Variants in ELMO2 observed in about 807,000 individuals in gnomAD.
ELMO2 encodes the protein engulfment and cell motility 2.
In ELMO2, 37 loss-of-function variants were observed where a neutral mutation model predicts 96.2. The observed-to-expected ratio is 0.38, with a 90% CI of 0.30 to 0.51. ELMO2 has a LOEUF of 0.51. Among genes scored for constraint, ELMO2 ranks in the 20% least tolerant of loss-of-function variants. The pLI is 0.88. For synonymous variants in ELMO2, 315 were observed against 329.4 expected (o/e 0.96, Z 0.47); for missense variants, 561 against 912.6 (o/e 0.61, Z 4.96).
chr20:46,374,728 A>G lies in ELMO2; in HGVS notation c.1066-88T>C. The G allele has an allele frequency of 4.4e-6, 5 of 1,129,122 alleles. No homozygotes were observed. In the East Asian group the frequency reaches 7.4e-5, roughly 17 times the overall value. 69.9% of individuals were successfully genotyped at this position (1,129,122 alleles called of 1,614,324 possible). A position where few individuals can be genotyped will look rare whatever the true frequency, so the allele number is the denominator to read the frequency against. On this transcript the variant is annotated intron_variant, in intron 13 of 21. Coordinates refer to ENST00000290246, the MANE Select transcript of ELMO2 (RefSeq NM_133171.5). ...GGATGCCCTCTCGCCTCTCCTCTTG[A>G]TGCTGCTACCACTCAGCACCCACCT...
intron 4 of ELMO2, 66 bp from the exon 5 acceptor site, chr20:46,393,667 A>G: frequency 1.9e-6 from 3 of 1,554,744 alleles, no homozygotes; most frequent in Non-Finnish European, 2.7e-6. Context: ...CTCATAAGTA[A>G]TTTTCAAAAG....
At chr20:46,398,659 T>C (rs1169413245) in intron 2 of ELMO2, 38 bp downstream of exon 2, 3 of 152,242 alleles carry the variant, frequency 2.0e-5, no homozygotes, top group African/African-American at 4.8e-5. Context: ...ATCATTATTA[T>C]AGTTGATGCT....
intron 2 of ELMO2, among the ~76,000 whole-genome samples, chr20:46,395,683 C>A (rs1179036017): frequency 6.6e-6 from 1 of 152,214 alleles, no homozygotes; most frequent in East Asian, 1.9e-4. Flanking sequence ...GTCCTGTCCC[C>A]CACAAGCCCA....
At chr20:46,386,406 A>G (rs2060045030) in intron 8 of ELMO2, 131 bp from the exon 9 acceptor site, 1 of 1,287,364 alleles carries the variant, frequency 7.8e-7, no homozygotes, top group South Asian at 1.5e-5. Flanking sequence ...GGATAGTGGT[A>G]TCTGGTTTAC....
intron 2 of ELMO2, among the ~76,000 whole-genome samples, chr20:46,395,122 G>A (rs1049185390): frequency 4.6e-5 from 7 of 152,102 alleles, no homozygotes; most frequent in Non-Finnish European, 7.4e-5. Flanking sequence ...TGCTATTTTC[G>A]TCCCTACTGC....
intron 1 of ELMO2, among the ~76,000 whole-genome samples, chr20:46,400,037 C>T (rs2060310174): frequency 6.6e-6 from 1 of 152,038 alleles, no homozygotes; most frequent in African/African-American, 2.4e-5. Flanking sequence ...ACTCAGGAGG[C>T]TGAGGCAGGA....
intron 6 of ELMO2, among the ~76,000 whole-genome samples, chr20:46,389,444 G>C (rs903212669): frequency 6.6e-6 from 1 of 152,116 alleles, no homozygotes; most frequent in African/African-American, 2.4e-5. Context: ...TACCGCTTTG[G>C]CCTATGGATT....
At chr20:46,383,858 G>T (rs1378694155) in intron 9 of ELMO2, among the ~76,000 whole-genome samples, 1 of 152,192 alleles carries the variant, frequency 6.6e-6, no homozygotes, top group Non-Finnish European at 1.5e-5. Context: ...GGGATTCAGG[G>T]ATGAGCTTAG....
chr20:46,374,027 A>G (rs2059793274), intron 15 of ELMO2, among the ~76,000 whole-genome samples: 1 of 148,778 alleles, frequency 6.7e-6, no homozygotes, highest in Non-Finnish European at 1.5e-5. Context: ...CTCCTGACAC[A>G]GTGATCCTCC....
At chr20:46,367,917 A>T (rs2059617066) in intron 21 of ELMO2, among the ~76,000 whole-genome samples, 1 of 152,206 alleles carries the variant, frequency 6.6e-6, no homozygotes, top group Non-Finnish European at 1.5e-5. Context: ...AAAAGAAGCA[A>T]GACACAAACA....
At chr20:46,390,226 A>G (rs1349350499) in intron 6 of ELMO2, among the ~76,000 whole-genome samples, 2 of 152,168 alleles carry the variant, frequency 1.3e-5, no homozygotes. Flanking sequence ...TTGAGGTATT[A>G]AGCTCCCTGT....
At chr20:46,392,051 A>G (rs574022367) in intron 6 of ELMO2, among the ~76,000 whole-genome samples, 10 of 152,184 alleles carry the variant, frequency 6.6e-5, no homozygotes, top group Non-Finnish European at 1.2e-4. Flanking sequence ...CCTCCCCACC[A>G]TAACTTTTTT....
At chr20:46,374,263 T>A (rs1362119815) in intron 15 of ELMO2, 69 bp downstream of exon 15, 2 of 1,321,790 alleles carry the variant, frequency 1.5e-6, no homozygotes, top group African/African-American at 2.9e-5. Context: ...TAACTGTTTA[T>A]AATTTTGAGT....
chr20:46,400,674 C>T (rs2060320868), intron 1 of ELMO2, among the ~76,000 whole-genome samples: 1 of 152,234 alleles, frequency 6.6e-6, no homozygotes, highest in African/African-American at 2.4e-5. Context: ...GACAGGCACA[C>T]ACTGACCTGA....
chr20:46,381,838 G>A (rs1316382006), intron 10 of ELMO2, among the ~76,000 whole-genome samples: 2 of 152,152 alleles, frequency 1.3e-5, no homozygotes, highest in Non-Finnish European at 2.9e-5. Flanking sequence ...TCCAAAAAGG[G>A]CACGGATACC....
At chr20:46,384,488 A>G (rs1240991263) in intron 9 of ELMO2, among the ~76,000 whole-genome samples, 1 of 152,068 alleles carries the variant, frequency 6.6e-6, no homozygotes, top group African/African-American at 2.4e-5. Context: ...ATTGGCTCCT[A>G]TGAAATGCCA....
chr20:46,393,940 G>T, intron 4 of ELMO2, 109 bp downstream of exon 4: 1 of 1,450,270 alleles, frequency 6.9e-7, no homozygotes, highest in Non-Finnish European at 9.6e-7. Flanking sequence ...AGACCCCCAT[G>T]CTGAGGACCT....
chr20:46,405,603 C>G (rs1024252104), intron 1 of ELMO2, among the ~76,000 whole-genome samples: 1 of 152,262 alleles, frequency 6.6e-6, no homozygotes, highest in Admixed American at 6.5e-5. Flanking sequence ...CTCTGCATTT[C>G]TCGGCTGGGC....
At chr20:46,369,871 A>G (rs1267552592) in intron 20 of ELMO2, 1 of 103,926 alleles carries the variant, frequency 9.6e-6, no homozygotes, top group South Asian at 9.8e-5. Context: ...AAAGGAAAAG[A>G]TGGTGGGGGA....
Sources: allele counts gnomAD v4.1 joint callset (sites outside exome capture counted in the v4.1 genomes callset), GRCh38; gene constraint gnomAD v4.1.1; transcripts MANE v1.5; gene names NCBI Gene and HGNC (gene_info 2026-07-23, HGNC 2026-07-21).